Variants in AKR1E2 observed in about 807,000 individuals in gnomAD.
AKR1E2 encodes the protein aldo-keto reductase family 1 member E2, also known as 1,5-anhydro-D-fructose reductase.
In AKR1E2, 43 loss-of-function variants were observed where a neutral mutation model predicts 41.9. The observed-to-expected ratio is 1.03, with a 90% CI of 0.80 to 1.32. AKR1E2 has a LOEUF of 1.32. Ranked by LOEUF, AKR1E2 falls within the 40% of genes most tolerant of loss-of-function variation. The pLI is 0.00. For missense variants in AKR1E2, 423 were observed against 396.5 expected, an observed-to-expected ratio of 1.07 and a Z score of -0.57; for synonymous variants, 121 against 138.9, an observed-to-expected ratio of 0.87 and a Z score of 0.91.
At chr10:4,859,193 A>G in the AKR1E2 span, among the ~76,000 whole-genome samples, 1 of 152,130 alleles carries the variant, frequency 6.6e-6, no homozygotes, top group Non-Finnish European at 1.5e-5. Flanking sequence ...CATTTATTTC[A>G]CCCACATAAA....
the AKR1E2 span, chr10:4,872,023 A>G: frequency 1.3e-5 from 2 of 152,232 alleles, no homozygotes; most frequent in African/African-American, 4.8e-5. Flanking sequence ...CCTACAATTA[A>G]CACAGTTTTC....
At chr10:4,866,432 C>T in the AKR1E2 span, among the ~76,000 whole-genome samples, 34,165 of 152,142 alleles carry the variant, frequency 0.22, 4,051 homozygotes, top group Middle Eastern at 0.35. Flanking sequence ...ATATTACCAT[C>T]TTGCAAACCT....
At chr10:4,830,636 C>T (rs776230157) in intron 1 of AKR1E2, 39 bp from the exon 2 acceptor site, 2 of 1,609,072 alleles carry the variant, frequency 1.2e-6, no homozygotes, top group Non-Finnish European at 1.7e-6. Context: ...TTGGATTCCT[C>T]TGACTGTGAG....
At chr10:4,854,231 C>T in the AKR1E2 span, among the ~76,000 whole-genome samples, 10 of 151,868 alleles carry the variant, frequency 6.6e-5, no homozygotes, top group Non-Finnish European at 1.5e-4. Flanking sequence ...GTATCTGGGA[C>T]TACAGGTGCA....
intron 1 of AKR1E2, among the ~76,000 whole-genome samples, chr10:4,829,346 G>T (rs963783512): frequency 2.0e-5 from 3 of 152,134 alleles, no homozygotes; most frequent in Admixed American, 1.3e-4. Flanking sequence ...CATGGGTGTG[G>T]TATATTATCT....
chr10:4,859,938 C>T, the AKR1E2 span, among the ~76,000 whole-genome samples: 5 of 152,132 alleles, frequency 3.3e-5, no homozygotes, highest in African/African-American at 9.7e-5. Context: ...AATTGGGGAT[C>T]GAGGCACCAG....
At chr10:4,835,544 G>T in intron 3 of AKR1E2, 131 bp from the exon 4 acceptor site, 1 of 1,156,838 alleles carries the variant, frequency 8.6e-7, no homozygotes, top group Non-Finnish European at 1.2e-6. Context: ...GTGAAGACTG[G>T]GCCTGGTCAC....
chr10:4,840,118 C>T (rs79154228), intron 6 of AKR1E2, among the ~76,000 whole-genome samples: 5,307 of 152,166 alleles, frequency 0.035, 151 homozygotes, highest in East Asian at 0.12. Context: ...AGGGTGTCAG[C>T]CCCCTTCTGA....
intron 2 of AKR1E2, among the ~76,000 whole-genome samples, chr10:4,831,091 T>C (rs528906445): frequency 6.6e-6 from 1 of 152,206 alleles, no homozygotes; most frequent in Admixed American, 6.5e-5. Flanking sequence ...ATTCAGTTAG[T>C]GATGGGCACT....
At chr10:4,867,859 C>T in the AKR1E2 span, among the ~76,000 whole-genome samples, 2 of 151,610 alleles carry the variant, frequency 1.3e-5, no homozygotes, top group African/African-American at 2.4e-5. Flanking sequence ...CCTCAGGGTC[C>T]GTCTTTCTTA....
At chr10:4,849,347 T>C (rs1834479483), downstream of AKR1E2, among the ~76,000 whole-genome samples, 1 of 152,246 alleles carries the variant, frequency 6.6e-6, no homozygotes, top group Non-Finnish European at 1.5e-5. Context: ...TTACTTAACC[T>C]TTTAAACCTT....
At chr10:4,872,210 A>G in the AKR1E2 span, among the ~76,000 whole-genome samples, 3 of 152,194 alleles carry the variant, frequency 2.0e-5, no homozygotes, top group Non-Finnish European at 4.4e-5. Flanking sequence ...GAGATAAACT[A>G]TTTGTGTTTA....
the AKR1E2 span, among the ~76,000 whole-genome samples, chr10:4,855,710 TAAA>T: frequency 6.6e-6 from 1 of 152,158 alleles, no homozygotes; most frequent in African/African-American, 2.4e-5. Flanking sequence ...GTCAGAAAAA[TAAA>T]AAGTGTAATG....
chr10:4,855,589 C>T, the AKR1E2 span, among the ~76,000 whole-genome samples: 1 of 152,152 alleles, frequency 6.6e-6, no homozygotes, highest in South Asian at 2.1e-4. Context: ...GGGAATGAGT[C>T]CTTTATCTTC....
intron 8 of AKR1E2, chr10:4,845,673 T>C: frequency 2.1e-6 from 1 of 467,022 alleles, no homozygotes; most frequent in African/African-American, 2.0e-5. Flanking sequence ...AGTTCTGCCC[T>C]TCTGCCGTCG....
At chr10:4,844,507 C>A (rs879227636) in intron 8 of AKR1E2, among the ~76,000 whole-genome samples, 45 of 152,202 alleles carry the variant, frequency 3.0e-4, no homozygotes, top group Non-Finnish European at 5.6e-4. Context: ...GCCCCACCCA[C>A]ATCCTGCTGA....
intron 6 of AKR1E2, among the ~76,000 whole-genome samples, chr10:4,841,113 G>A (rs1387708167): frequency 6.6e-6 from 1 of 152,172 alleles, no homozygotes; most frequent in Non-Finnish European, 1.5e-5. Flanking sequence ...CTCTGATGGA[G>A]TGAGTCAGGG....
the AKR1E2 span, among the ~76,000 whole-genome samples, chr10:4,863,550 A>G: frequency 2.0e-5 from 3 of 152,164 alleles, no homozygotes; most frequent in Non-Finnish European, 4.4e-5. Flanking sequence ...AATTAAAAGA[A>G]CTAGAGAAGC....
chr10:4,842,330 T>C, intron 7 of AKR1E2, 91 bp from the exon 8 acceptor site: 1 of 1,133,902 alleles, frequency 8.8e-7, no homozygotes, highest in Non-Finnish European at 1.3e-6. Context: ...TCTTGGACTC[T>C]TACTGCATGA....
Sources: allele counts gnomAD v4.1 joint callset (sites outside exome capture counted in the v4.1 genomes callset), GRCh38; gene constraint gnomAD v4.1.1; transcripts MANE v1.5; gene names NCBI Gene and HGNC (gene_info 2026-07-23, HGNC 2026-07-21).